TBCK: variants seen among roughly 807,000 people sequenced by gnomAD.
TBCK encodes the protein TBC1 domain containing kinase.
TBCK carries 99 observed loss-of-function variants against 113.4 expected under a neutral mutation model. That is an observed-to-expected ratio of 0.87 (90% CI 0.74 to 1.03). The LOEUF is 1.03. TBCK is among the 50% of genes least tolerant of loss of function. The pLI, the probability that TBCK is intolerant of heterozygous loss-of-function variation, is 0.00. For missense variants in TBCK, 1,045 were observed against 1,061.3 expected (o/e 0.98, Z 0.21); for synonymous variants, 369 against 370.8 (o/e 1.00, Z 0.05).
chr4:106,270,162 C>A (rs1038937617), intron 3 of TBCK, among the ~76,000 whole-genome samples: 1 of 152,156 alleles, frequency 6.6e-6, no homozygotes, highest in Non-Finnish European at 1.5e-5. Context: ...TTTGTTATAT[C>A]ATATGTATAT....
chr4:106,256,986 C>A (rs929097305), intron 5 of TBCK, among the ~76,000 whole-genome samples: 3 of 151,896 alleles, frequency 2.0e-5, no homozygotes, highest in African/African-American at 7.3e-5. Flanking sequence ...TTTTTATAAA[C>A]CCTCTACAAC....
Position 106,260,445 on chromosome 4 carries a change from GA to G in TBCK, c.446del (p.Phe149SerfsTer3). The G allele has an allele frequency of 1.5e-6, 2 of 1,358,168 alleles. No individual in the cohort carries two copies. Among genetic ancestry groups the G allele is most frequent in the African/African-American group, 1.5e-5 (1 of 67,466 alleles). 84.1% of individuals were successfully genotyped at this position (1,358,168 alleles called of 1,614,324 possible). A position where few individuals can be genotyped will look rare whatever the true frequency, so the allele number is the denominator to read the frequency against. On this transcript the variant is annotated frameshift_variant, in exon 5 of 26. Coordinates refer to ENST00000394708, the MANE Select transcript of TBCK (RefSeq NM_001163435.3). LOFTEE classifies it high-confidence loss of function. ...GGAAAACATATCCTTACCCTATTGGGAAATCAACATCATCACCATGAGCTGT... is the reference window on the plus strand; with the variant it reads ...GGAAAACATATCCTTACCCTATTGGGAATCAACATCATCACCATGAGCTGT... ...HMTAHGDDVD[F>X]PIGYPSYLAP...
At chr4:106,211,641 C>A (rs550818810) in intron 20 of TBCK, among the ~76,000 whole-genome samples, 1 of 152,038 alleles carries the variant, frequency 6.6e-6, no homozygotes, top group Non-Finnish European at 1.5e-5. Flanking sequence ...TTATAGTATT[C>A]TATTAAACAT....
intron 5 of TBCK, among the ~76,000 whole-genome samples, chr4:106,257,324 C>T (rs1319254531): frequency 1.3e-5 from 2 of 152,112 alleles, no homozygotes; most frequent in Non-Finnish European, 2.9e-5. Flanking sequence ...TGTCCTCTTA[C>T]AATGATAAGT....
At chr4:106,297,455 AT>A (rs1388878614) in intron 2 of TBCK, among the ~76,000 whole-genome samples, 1 of 152,194 alleles carries the variant, frequency 6.6e-6, no homozygotes, top group African/African-American at 2.4e-5. Context: ...TAGAATCTAT[AT>A]AGTTTGCTCC....
intron 23 of TBCK, among the ~76,000 whole-genome samples, chr4:106,144,435 C>T (rs911503005): frequency 7.2e-5 from 11 of 151,964 alleles, no homozygotes; most frequent in African/African-American, 2.2e-4. Context: ...CCTCAATTAC[C>T]AAGGTAATTG....
chr4:106,113,310 C>CA (rs1743075568), intron 24 of TBCK, among the ~76,000 whole-genome samples: 2 of 151,720 alleles, frequency 1.3e-5, no homozygotes, highest in South Asian at 4.2e-4. Flanking sequence ...GCTCAGAAAA[C>CA]AAAAAAGGGG....
intron 23 of TBCK, among the ~76,000 whole-genome samples, chr4:106,126,975 C>T (rs762650317): frequency 2.6e-5 from 4 of 151,588 alleles, no homozygotes; most frequent in East Asian, 1.9e-4. Context: ...TTTGGGAGGC[C>T]GAGGCGGGCA....
At chr4:106,131,481 C>T (rs899746916) in intron 23 of TBCK, among the ~76,000 whole-genome samples, 10 of 152,132 alleles carry the variant, frequency 6.6e-5, no homozygotes, top group African/African-American at 1.9e-4. Context: ...GGCATGGTGG[C>T]GCATGCCTGT....
chr4:106,219,516 C>A (rs1233773988), intron 19 of TBCK, among the ~76,000 whole-genome samples: 2 of 151,862 alleles, frequency 1.3e-5, no homozygotes, highest in Non-Finnish European at 2.9e-5. Context: ...TATTAGAATT[C>A]ATAGAGTTCA....
At chr4:106,086,153 T>C (rs1359421795) in intron 25 of TBCK, among the ~76,000 whole-genome samples, 1 of 151,660 alleles carries the variant, frequency 6.6e-6, no homozygotes, top group East Asian at 1.9e-4. Flanking sequence ...ATCCAGGAGC[T>C]TTTTTTTGAA....
chr4:106,297,186 G>A (rs909093136), intron 2 of TBCK, among the ~76,000 whole-genome samples: 2 of 152,046 alleles, frequency 1.3e-5, no homozygotes, highest in African/African-American at 4.8e-5. Context: ...GAAAAACTCT[G>A]AGATTTTATT....
chr4:106,272,566 A>T (rs896877448), intron 3 of TBCK, among the ~76,000 whole-genome samples: 4 of 141,394 alleles, frequency 2.8e-5, no homozygotes, highest in African/African-American at 1.1e-4. Flanking sequence ...ATCTTGGCTC[A>T]CTGCAAGCTC....
At chr4:106,177,794 T>C (rs1364068143) in intron 22 of TBCK, among the ~76,000 whole-genome samples, 2 of 151,960 alleles carry the variant, frequency 1.3e-5, no homozygotes, top group African/African-American at 2.4e-5. Flanking sequence ...TACTCAAGAT[T>C]GCTTTTGCTA....
chr4:106,173,516 G>C (rs914525084), intron 22 of TBCK, among the ~76,000 whole-genome samples: 1 of 152,076 alleles, frequency 6.6e-6, no homozygotes, highest in African/African-American at 2.4e-5. Context: ...AGCAAAGTTT[G>C]AAGGTGAGTC....
intron 25 of TBCK, among the ~76,000 whole-genome samples, chr4:106,092,992 C>T (rs1740481935): frequency 6.6e-6 from 1 of 152,216 alleles, no homozygotes; most frequent in South Asian, 2.1e-4. Flanking sequence ...GATTACATTT[C>T]AACATGAGAT....
At chr4:106,150,811 T>C (rs1748388595) in intron 23 of TBCK, among the ~76,000 whole-genome samples, 2 of 152,064 alleles carry the variant, frequency 1.3e-5, no homozygotes, top group Admixed American at 6.6e-5. Flanking sequence ...TGTGACTAAA[T>C]TAACTGAATG....
chr4:106,236,895 C>G, intron 12 of TBCK, 87 bp from the exon 13 acceptor site: 1 of 667,360 alleles, frequency 1.5e-6, no homozygotes. Flanking sequence ...AATATAACAA[C>G]TATAAATTTA....
intron 3 of TBCK, among the ~76,000 whole-genome samples, chr4:106,282,335 C>T (rs76529937): frequency 0.018 from 2,769 of 151,458 alleles, 78 homozygotes; most frequent in African/African-American, 0.061. Flanking sequence ...TCTTCTTTAT[C>T]TTTTTTAACA....
Sources: allele counts gnomAD v4.1 joint callset (sites outside exome capture counted in the v4.1 genomes callset), GRCh38; gene constraint gnomAD v4.1.1; transcripts MANE v1.5; gene names NCBI Gene and HGNC (gene_info 2026-07-23, HGNC 2026-07-21).